Variants in MYL4 observed in about 807,000 individuals in gnomAD.
The protein encoded by MYL4 is atrial myosin light chain 1.
Under a neutral mutation model 21.6 loss-of-function variants are expected in MYL4, and 16 were observed. The ratio of observed to expected loss-of-function variants is 0.74; its 90% CI spans 0.50 to 1.12. The LOEUF is 1.12. Among genes scored for constraint, MYL4 ranks in the 50% most tolerant of loss-of-function variants. MYL4 has a pLI of 0.00. For synonymous variants in MYL4, 82 were observed against 95.7 expected (o/e 0.86, Z 0.83); for missense variants, 249 against 252.9 (o/e 0.98, Z 0.11).
chr17:47,189,502 C>G, the MYL4 span: 1 of 422,052 alleles, frequency 2.4e-6, no homozygotes, highest in South Asian at 2.5e-5. Context: ...ACGCCTTCAG[C>G]CACGCACACC....
the MYL4 span, among the ~76,000 whole-genome samples, chr17:47,190,484 A>T: frequency 2.0e-5 from 3 of 152,344 alleles, no homozygotes; most frequent in South Asian, 4.1e-4. Flanking sequence ...GGAGCTCTCT[A>T]GGCTAGATGT....
rs1004031353 is a variant in MYL4, at chr17:47,216,943, C to G, written c.164-2961C>G. ...TCCCAACCTCAGGTGATCTGCCCGC[C>G]TTGGCCTCCCAAAGTACTGGGATTA... On this transcript the variant is annotated intron_variant, in intron 2 of 6. Transcript: ENST00000393450. 3.9e-5 allele frequency among the ~76,000 whole-genome samples: 6 copies of G among 152,264 alleles called. No homozygotes were observed. The East Asian group carries it at 1.2e-3, about 29-fold the overall frequency.
rs528890660 is a variant in MYL4 at position 47,218,900 on chromosome 17, T to C, written c.164-1004T>C. On this transcript the variant is annotated intron_variant, in intron 2 of 6. Coordinates refer to ENST00000393450, the MANE Select transcript of MYL4 (RefSeq NM_002476.2). ...CTGCAGGGATACTTGCCCTGCTGCC[T>C]TCAAGGAGTCCAGTCCCTGTGGTTC... 2.1e-3 allele frequency among the ~76,000 whole-genome samples: 327 copies of C among 152,334 alleles called. 4 individuals are homozygous for C. Among genetic ancestry groups the C allele is most frequent in the African/African-American group, 7.4e-3 (306 of 41,584 alleles).
Position 47,209,544 on chromosome 17 carries a change from C to A in MYL4, c.122C>A (p.Pro41His). ...PEAPKEPAFD[P>H]KSVKIDFTAD... ...GCTCCCAAGGAACCTGCCTTTGACCCCAAGAGTGTAAAGGTAAGTGAGGCT... is the reference window on the plus strand; with the variant it reads ...GCTCCCAAGGAACCTGCCTTTGACCACAAGAGTGTAAAGGTAAGTGAGGCT... Residue 41 changes from proline to histidine, a missense_variant, in exon 1 of 7, where the codon CCC becomes CAC. Physicochemically the swap from Pro to His is moderately conservative, Grantham distance 77. Coordinates refer to ENST00000393450, the MANE Select transcript of MYL4 (RefSeq NM_002476.2). 1 of 1,614,186 alleles carries A rather than the reference C, an allele frequency of 6.2e-7. No homozygotes were observed. Among genetic ancestry groups the A allele is most frequent in the Non-Finnish European group, 8.5e-7 (1 of 1,180,034 alleles).
At chr17:47,217,518 T>C (rs953407179) in intron 2 of MYL4, among the ~76,000 whole-genome samples, 2 of 152,134 alleles carry the variant, frequency 1.3e-5, no homozygotes, top group Non-Finnish European at 2.9e-5. Flanking sequence ...ATTTCCTTTT[T>C]ACAAAGCAGG....
chr17:47,201,404 T>C (rs563182599), intron 1 of MYL4, among the ~76,000 whole-genome samples: 10 of 152,290 alleles, frequency 6.6e-5, no homozygotes, highest in Admixed American at 2.6e-4. Flanking sequence ...TGGCCTTCTT[T>C]CTTCAGTGGT....
At chr17:47,207,019 A>G (rs894324341), upstream of MYL4, among the ~76,000 whole-genome samples, 1 of 152,134 alleles carries the variant, frequency 6.6e-6, no homozygotes, top group African/African-American at 2.4e-5. Context: ...GACAGGGATT[A>G]TAGAAGAGTG....
chr17:47,217,111 A>G (rs2064820769), intron 2 of MYL4, among the ~76,000 whole-genome samples: 1 of 152,166 alleles, frequency 6.6e-6, no homozygotes, highest in Non-Finnish European at 1.5e-5. Flanking sequence ...ATATGTATTT[A>G]TCAAGCACTG....
the MYL4 span, among the ~76,000 whole-genome samples, chr17:47,193,360 T>C: frequency 2.6e-5 from 4 of 151,880 alleles, no homozygotes; most frequent in Non-Finnish European, 4.4e-5. Flanking sequence ...CTCCGTCTCC[T>C]GGGTTCAAGC....
upstream of MYL4, among the ~76,000 whole-genome samples, chr17:47,197,639 C>G (rs1567741168): frequency 6.6e-6 from 1 of 151,554 alleles, no homozygotes; most frequent in Non-Finnish European, 1.5e-5. Flanking sequence ...ACCTATACAA[C>G]CATTCTGTGT....
At chr17:47,202,389 G>T (rs1164603094) in intron 1 of MYL4, among the ~76,000 whole-genome samples, 2 of 152,158 alleles carry the variant, frequency 1.3e-5, no homozygotes, top group Non-Finnish European at 2.9e-5. Flanking sequence ...TCTGTATTTA[G>T]ATTTCATAAA....
rs200380326 is a variant in MYL4 at position 47,213,794 on chromosome 17, T to C, written c.136-5T>C. 1.2e-6 allele frequency: 2 copies of C among 1,614,082 alleles called. No homozygotes were observed. The highest frequency in any genetic ancestry group is 1.3e-5 in the African/African-American group (1 of 75,016). ...AAGCCCTCACTACTATTTCCCTCCC[T>C]ACAGATAGACTTCACTGCCGACCAG... On this transcript the variant is annotated splice_polypyrimidine_tract_variant and splice_region_variant and intron_variant, in intron 1 of 6. Coordinates refer to ENST00000393450, the MANE Select transcript of MYL4 (RefSeq NM_002476.2).
chr17:47,221,642 C>A, intron 3 of MYL4, 40 bp from the exon 4 acceptor site: 1 of 1,587,174 alleles, frequency 6.3e-7, no homozygotes, highest in Non-Finnish European at 8.6e-7. Context: ...TGAGCACCTG[C>A]TCACATTGAT....
At chr17:47,193,168 C>G in the MYL4 span, among the ~76,000 whole-genome samples, 5 of 151,798 alleles carry the variant, frequency 3.3e-5, no homozygotes, top group African/African-American at 1.2e-4. Flanking sequence ...ACCCCACCAC[C>G]CCCACCCCAC....
chr17:47,218,851 C>G (rs990198596), intron 2 of MYL4, among the ~76,000 whole-genome samples: 3 of 152,124 alleles, frequency 2.0e-5, no homozygotes, highest in African/African-American at 4.8e-5. Context: ...AAAAAGGGAC[C>G]AGGAGTGCCT....
At chr17:47,226,198 G>A (rs2064885061), downstream of MYL4, among the ~76,000 whole-genome samples, 1 of 152,182 alleles carries the variant, frequency 6.6e-6, no homozygotes, top group Non-Finnish European at 1.5e-5. Context: ...AATAGAGAAT[G>A]ATCCCCAAAT....
upstream of MYL4, among the ~76,000 whole-genome samples, chr17:47,197,359 A>G (rs761019791): frequency 2.6e-5 from 4 of 152,252 alleles, no homozygotes; most frequent in Non-Finnish European, 5.9e-5. Context: ...TGGCCTCCCA[A>G]AGTGCTGAGA....
At chr17:47,208,592 G>A (rs1038948102), upstream of MYL4, among the ~76,000 whole-genome samples, 2 of 145,270 alleles carry the variant, frequency 1.4e-5, no homozygotes, top group South Asian at 2.2e-4. Context: ...CACACACAGA[G>A]CACAGAATGA....
downstream of MYL4, among the ~76,000 whole-genome samples, chr17:47,226,714 C>T (rs942169604): frequency 2.0e-5 from 3 of 152,260 alleles, no homozygotes; most frequent in African/African-American, 7.2e-5. Flanking sequence ...GCACAGCCGG[C>T]ATGCTCCACA....
Sources: gnomAD v4.1 joint callset for allele counts (sites outside exome capture counted in the v4.1 genomes callset) on GRCh38, gnomAD v4.1.1 for gene constraint, MANE v1.5 for transcripts, NCBI Gene and HGNC (gene_info 2026-07-23, HGNC 2026-07-21) for gene names.